Variants in COL10A1 observed in about 807,000 individuals in gnomAD.
COL10A1 encodes collagen type X alpha 1 chain.
In COL10A1, 10 loss-of-function variants were observed where a neutral mutation model predicts 18.2. The ratio of observed to expected loss-of-function variants is 0.55; its 90% CI spans 0.34 to 0.93. COL10A1 has a LOEUF of 0.93. COL10A1 is among the 40% of genes least tolerant of loss of function. The pLI is 0.02. For synonymous variants in COL10A1, 330 were observed against 316.6 expected, an observed-to-expected ratio of 1.04 and a Z score of -0.45; for missense variants, 897 against 853.5, an observed-to-expected ratio of 1.05 and a Z score of -0.64.
intron 1 of COL10A1, chr6:116,137,491 C>G (rs1206435581): frequency 5.1e-6 from 1 of 194,442 alleles, no homozygotes; most frequent in African/African-American, 2.3e-5. Context: ...TTGAGCCTCT[C>G]AGCTGGCAGC....
intron 2 of COL10A1, among the ~76,000 whole-genome samples, chr6:116,124,382 A>G (rs1779229769): frequency 6.6e-6 from 1 of 152,238 alleles, no homozygotes; most frequent in South Asian, 2.1e-4. Context: ...GCTGTTAAAT[A>G]AAATTAGTGA....
chr6:116,163,059 G>C (rs1014876784), upstream of COL10A1, among the ~76,000 whole-genome samples: 2 of 147,046 alleles, frequency 1.4e-5, no homozygotes, highest in South Asian at 2.2e-4. Context: ...CCCGGGAGGT[G>C]GAGCTTGCAG....
intron 1 of COL10A1, among the ~76,000 whole-genome samples, chr6:116,146,001 T>C (rs935682676): frequency 4.6e-5 from 7 of 152,218 alleles, no homozygotes; most frequent in African/African-American, 7.2e-5. Flanking sequence ...TACTTACTTC[T>C]GGAAAGCACC....
chr6:116,216,206 A>G, the COL10A1 span, among the ~76,000 whole-genome samples: 9 of 152,172 alleles, frequency 5.9e-5, no homozygotes, highest in Non-Finnish European at 1.2e-4. Context: ...ACAAGGCTAT[A>G]TGTTAGGTAA....
the COL10A1 span, among the ~76,000 whole-genome samples, chr6:116,185,301 A>G: frequency 9.9e-5 from 15 of 152,080 alleles, no homozygotes; most frequent in African/African-American, 3.6e-4. Context: ...GTCTTGGAGA[A>G]TGTTCCATGT....
intron 1 of COL10A1, among the ~76,000 whole-genome samples, chr6:116,155,347 T>TTATAG (rs1205237695): frequency 1.3e-5 from 2 of 152,144 alleles, no homozygotes; most frequent in East Asian, 3.8e-4. Context: ...ATTTAGCACT[T>TTATAG]TATAGTAGTG....
the COL10A1 span, among the ~76,000 whole-genome samples, chr6:116,166,041 G>T: frequency 1.3e-5 from 2 of 152,144 alleles, no homozygotes; most frequent in Admixed American, 1.3e-4. Flanking sequence ...CATTGCCTGG[G>T]GTCATGAAGG....
chr6:116,209,143 C>T, the COL10A1 span, among the ~76,000 whole-genome samples: 1 of 151,892 alleles, frequency 6.6e-6, no homozygotes, highest in African/African-American at 2.4e-5. Context: ...GTTACTGTCC[C>T]GTAGTTATTA....
chr6:116,199,404 T>A, the COL10A1 span, among the ~76,000 whole-genome samples: 1 of 152,102 alleles, frequency 6.6e-6, no homozygotes, highest in African/African-American at 2.4e-5. Context: ...CTGCTATTAT[T>A]AGCCTTGGCA....
the COL10A1 span, among the ~76,000 whole-genome samples, chr6:116,193,275 T>C: frequency 2.3e-4 from 35 of 152,108 alleles, 1 homozygote; most frequent in Non-Finnish European, 1.0e-4. Context: ...AGTGGAGATA[T>C]TGTGCTTTCC....
the COL10A1 span, among the ~76,000 whole-genome samples, chr6:116,194,785 A>G: frequency 1.3e-5 from 2 of 152,080 alleles, no homozygotes; most frequent in Non-Finnish European, 2.9e-5. Context: ...TTTTGGGTAC[A>G]ATGCTGAAGT....
rs761027927 is a variant in COL10A1, at chr6:116,121,101, G to A, written c.1015C>T (p.Pro339Ser). The A allele has an allele frequency of 6.2e-7, 1 of 1,613,748 alleles. No individual in the cohort carries two copies. Among genetic ancestry groups the A allele is most frequent in the South Asian group, 1.1e-5 (1 of 91,082 alleles). ...GLPGKPGLTG[P>S]PGNMGPQGPK... ...CCTTGGGGTCCCATATTCCCAGGGG[G>A]TCCAGTCAGACCTGGCTTCCCAGGA... The change falls in exon 3 of 3, where the codon CCC becomes TCC. Residue 339 changes from proline to serine, a missense_variant. Coordinates refer to ENST00000651968, the MANE Select transcript of COL10A1 (RefSeq NM_000493.4).
Position 116,121,675 on chromosome 6 carries a change from A to G in COL10A1, c.441T>C (p.Pro147=), listed in dbSNP as rs1275849391. 6 of 1,613,748 alleles carry G rather than the reference A, an allele frequency of 3.7e-6. No homozygotes were observed. The highest frequency in any genetic ancestry group is 4.5e-5 in the East Asian group (2 of 44,872). The change falls in exon 3 of 3, where the codon CCT becomes CCC. Residue 147 remains proline (P), a synonymous_variant. Coordinates refer to ENST00000651968, the MANE Select transcript of COL10A1 (RefSeq NM_000493.4). ...CTGGCACAGAAATTCCAGCCGGTCCAGGGATTCCAGGTGGTCCTGGTGGGC... is the reference window on the plus strand; with the variant it reads ...CTGGCACAGAAATTCCAGCCGGTCCGGGGATTCCAGGTGGTCCTGGTGGGC... The part of the protein sequence containing the change: ...PRGPPGPPGI[P]GPAGISVPGK...
the COL10A1 span, among the ~76,000 whole-genome samples, chr6:116,175,910 T>C: frequency 1.3e-5 from 2 of 152,196 alleles, no homozygotes; most frequent in East Asian, 1.9e-4. Flanking sequence ...TGAGTCTGTG[T>C]CTATTGATTA....
chr6:116,171,336 G>A, the COL10A1 span, among the ~76,000 whole-genome samples: 4 of 152,154 alleles, frequency 2.6e-5, no homozygotes, highest in East Asian at 7.7e-4. Context: ...GCATTATTTT[G>A]TGGATTTTGA....
At chr6:116,130,776 A>G (rs188851900), upstream of COL10A1, among the ~76,000 whole-genome samples, 135 of 152,220 alleles carry the variant, frequency 8.9e-4, no homozygotes, top group African/African-American at 3.0e-3. Flanking sequence ...TCCCATGCTA[A>G]AAACCCTAGT....
chr6:116,207,295 T>A, the COL10A1 span, among the ~76,000 whole-genome samples: 1 of 132,872 alleles, frequency 7.5e-6, no homozygotes, highest in Non-Finnish European at 1.5e-5. Flanking sequence ...CCTTTTAAGA[T>A]CAATAGAGTC....
chr6:116,135,043 T>C (rs1286625160), intron 1 of COL10A1, among the ~76,000 whole-genome samples: 1 of 152,212 alleles, frequency 6.6e-6, no homozygotes, highest in Non-Finnish European at 1.5e-5. Context: ...TTTACTCATC[T>C]GTACCCCATT....
rs569230976 is a variant in COL10A1, at chr6:116,142,085, A to G, written c.-16+16529T>C. ...GTACATGGTAACAAATGGAATTGAT[A>G]TTAGGATCCTATTCCTTTGATATTT... On this transcript the variant is annotated intron_variant, in intron 1 of 1. Transcript: ENST00000418500. Among the ~76,000 whole-genome samples, 12 of 152,208 alleles carry G rather than the reference A, an allele frequency of 7.9e-5. No homozygotes were observed. The East Asian group carries it at 2.1e-3, about 27-fold the overall frequency.
Sources: gnomAD v4.1 joint callset for allele counts (sites outside exome capture counted in the v4.1 genomes callset) on GRCh38, gnomAD v4.1.1 for gene constraint, MANE v1.5 for transcripts, NCBI Gene and HGNC (gene_info 2026-07-23, HGNC 2026-07-21) for gene names.